Variants in VPS13B observed in about 807,000 individuals in gnomAD.
The protein encoded by VPS13B is intermembrane lipid transfer protein VPS13B.
Under a neutral mutation model 426.4 loss-of-function variants are expected in VPS13B, and 285 were observed. That is an observed-to-expected ratio of 0.67 (90% CI 0.61 to 0.74). The LOEUF (loss-of-function observed/expected upper bound fraction) is 0.74, where lower values mean the gene tolerates loss of function less well. VPS13B is among the 30% of genes least tolerant of loss of function. The probability of loss-of-function intolerance (pLI) is 0.00; values close to 1 mark genes in which losing one functional copy is unlikely to be tolerated. For synonymous variants in VPS13B, 1,676 were observed against 1,676.4 expected, an observed-to-expected ratio of 1.00 and a Z score of 0.01; for missense variants, 4,537 against 4,782.6, an observed-to-expected ratio of 0.95 and a Z score of 1.51.
intron 34 of VPS13B, among the ~76,000 whole-genome samples, chr8:99,660,920 CAA>C (rs780118059): frequency 6.6e-5 from 10 of 152,016 alleles, no homozygotes; most frequent in Non-Finnish European, 1.2e-4. Context: ...TAAAACAGAT[CAA>C]ATAGCCCCTA....
At chr8:99,048,092 ATAT>A (rs1201927327) in intron 3 of VPS13B, among the ~76,000 whole-genome samples, 4 of 152,154 alleles carry the variant, frequency 2.6e-5, no homozygotes, top group Non-Finnish European at 4.4e-5. Flanking sequence ...TTCCATATTG[ATAT>A]TATTGTTGAC....
chr8:99,204,663 G>GA (rs912790834), intron 17 of VPS13B, among the ~76,000 whole-genome samples: 259 of 149,376 alleles, frequency 1.7e-3, no homozygotes, highest in African/African-American at 5.5e-3. Context: ...ACATTTACAA[G>GA]AAAAAAAAAC....
At chr8:99,175,558 G>T (rs1477247840) in intron 16 of VPS13B, among the ~76,000 whole-genome samples, 2 of 152,092 alleles carry the variant, frequency 1.3e-5, no homozygotes, top group Non-Finnish European at 2.9e-5. Flanking sequence ...AAGGTGTGAG[G>T]ATTCCTTGAG....
At chr8:99,092,935 CACTT>C (rs796972062) in intron 3 of VPS13B, among the ~76,000 whole-genome samples, 7 of 150,692 alleles carry the variant, frequency 4.6e-5, no homozygotes, top group African/African-American at 1.7e-4. Context: ...AAGCTTTACT[CACTT>C]TTTTTTTTTC....
At chr8:99,549,704 G>A (rs530777684) in intron 30 of VPS13B, among the ~76,000 whole-genome samples, 3 of 152,058 alleles carry the variant, frequency 2.0e-5, no homozygotes, top group Admixed American at 6.6e-5. Context: ...GGTACAAAAC[G>A]GCCTGTCTTT....
At chr8:99,405,379 C>G (rs1296009234) in intron 21 of VPS13B, among the ~76,000 whole-genome samples, 1 of 152,176 alleles carries the variant, frequency 6.6e-6, no homozygotes. Flanking sequence ...TCTCCCTTTC[C>G]TGTCCATTCC....
intron 33 of VPS13B, 155 bp downstream of exon 33, chr8:99,577,788 C>T (rs1825846727): frequency 9.2e-7 from 1 of 1,092,768 alleles, no homozygotes; most frequent in East Asian, 2.6e-5. Context: ...GATTGATATT[C>T]TTTATTTTAG....
At chr8:99,450,565 T>C (rs1359092090) in intron 23 of VPS13B, among the ~76,000 whole-genome samples, 1 of 152,040 alleles carries the variant, frequency 6.6e-6, no homozygotes, top group African/African-American at 2.4e-5. Context: ...TACAAAAAAT[T>C]AGCCGGGCAT....
intron 3 of VPS13B, among the ~76,000 whole-genome samples, chr8:99,082,412 T>C (rs533019908): frequency 1.1e-4 from 16 of 152,338 alleles, no homozygotes; most frequent in Admixed American, 2.0e-4. Context: ...TTCTGTAGGA[T>C]GCCTGTTCAC....
intron 45 of VPS13B, among the ~76,000 whole-genome samples, 177 bp from the exon 46 acceptor site, chr8:99,818,274 T>C (rs184516282): frequency 6.6e-6 from 1 of 152,344 alleles, no homozygotes. Context: ...GCTGACTCAC[T>C]GCACATTTGC....
chr8:99,559,725 G>A (rs935042169), intron 31 of VPS13B, among the ~76,000 whole-genome samples: 19 of 152,148 alleles, frequency 1.2e-4, no homozygotes, highest in East Asian at 3.9e-4. Flanking sequence ...GTAGATACGC[G>A]GCATTATTTC....
intron 43 of VPS13B, among the ~76,000 whole-genome samples, chr8:99,795,575 CTTA>C (rs992684194): frequency 2.0e-5 from 3 of 152,186 alleles, no homozygotes. Flanking sequence ...GCAATAAGCA[CTTA>C]TTATCCCACA....
intron 39 of VPS13B, among the ~76,000 whole-genome samples, chr8:99,756,816 A>G (rs1313594520): frequency 6.6e-6 from 1 of 152,232 alleles, no homozygotes; most frequent in Non-Finnish European, 1.5e-5. Flanking sequence ...ACTTTAAAGA[A>G]AGTGGAACTG....
At chr8:99,273,464 C>A (rs906926196) in intron 17 of VPS13B, among the ~76,000 whole-genome samples, 1 of 151,940 alleles carries the variant, frequency 6.6e-6, no homozygotes, top group Non-Finnish European at 1.5e-5. Flanking sequence ...CCGCGCCCAG[C>A]CTTGCTTGGG....
At chr8:99,770,757 A>G (rs2130639553) in intron 40 of VPS13B, among the ~76,000 whole-genome samples, 1 of 152,316 alleles carries the variant, frequency 6.6e-6, no homozygotes, top group Non-Finnish European at 1.5e-5. Flanking sequence ...ATCCGAGGAC[A>G]AGCCAGAGGA....
At chr8:99,572,280 A>G (rs1321362117) in intron 31 of VPS13B, among the ~76,000 whole-genome samples, 1 of 152,176 alleles carries the variant, frequency 6.6e-6, no homozygotes, top group Non-Finnish European at 1.5e-5. Flanking sequence ...TTCCAGTTTC[A>G]TCTTTTACCA....
chr8:99,513,324 T>C (rs1821893619), intron 29 of VPS13B, among the ~76,000 whole-genome samples: 1 of 152,102 alleles, frequency 6.6e-6, no homozygotes, highest in South Asian at 2.1e-4. Context: ...GTAAAATTAT[T>C]TTCAGTTTAA....
intron 33 of VPS13B, among the ~76,000 whole-genome samples, chr8:99,620,092 T>TCTA (rs1828285666): frequency 6.6e-6 from 1 of 152,078 alleles, no homozygotes; most frequent in East Asian, 1.9e-4. Context: ...AAGAAACTGT[T>TCTA]CATTAGAGAA....
intron 34 of VPS13B, among the ~76,000 whole-genome samples, chr8:99,646,307 G>A (rs1043219121): frequency 6.6e-6 from 1 of 152,090 alleles, no homozygotes; most frequent in Non-Finnish European, 1.5e-5. Context: ...TTGAGCTAAG[G>A]AGTCCAAGAC....
Sources: gnomAD v4.1 joint callset for allele counts (sites outside exome capture counted in the v4.1 genomes callset) on GRCh38, gnomAD v4.1.1 for gene constraint, MANE v1.5 for transcripts, NCBI Gene and HGNC (gene_info 2026-07-23, HGNC 2026-07-21) for gene names.